The following WNT16 variants were observed in gnomAD, a reference collection of about 807,000 sequenced individuals.
The protein encoded by WNT16 is protein Wnt-16.
Under a neutral mutation model 35.4 loss-of-function variants are expected in WNT16, and 20 were observed. That is an observed-to-expected ratio of 0.56 (90% CI 0.40 to 0.82). The LOEUF is 0.82. WNT16 is among the 40% of genes least tolerant of loss of function. The pLI is 0.00. For synonymous variants in WNT16, 180 were observed against 179.2 expected, an observed-to-expected ratio of 1.00 and a Z score of -0.03; for missense variants, 461 against 466.0, an observed-to-expected ratio of 0.99 and a Z score of 0.10.
In WNT16 at chr7:121,339,170, G is replaced by C. The variant is rs1401710601; in HGVS notation, c.923G>C (p.Arg308Thr). Residue 308 changes from arginine (R) to threonine (T), a missense_variant, in exon 4 of 4, where the codon AGA becomes ACA. By Grantham distance (71) the Arg-to-Thr change is moderately conservative. Coordinates refer to ENST00000222462, the MANE Select transcript of WNT16 (RefSeq NM_057168.2). ...CTGGGAATCCCAGGGACACAAGGCA[G>C]AGAATGCAACCGTACATCAGAGGGT... ...KKLGIPGTQG[R>T]ECNRTSEGAD... The C allele has an allele frequency of 1.9e-6, 3 of 1,614,112 alleles. No individual in the cohort carries two copies. The highest frequency in any genetic ancestry group is 2.5e-6 in the Non-Finnish European group (3 of 1,180,050).
chr7:121,331,752 G>C lies in WNT16; in HGVS notation c.421G>C (p.Ala141Pro). 1.2e-6 allele frequency: 2 copies of C among 1,614,220 alleles called. No homozygotes were observed. Among genetic ancestry groups the C allele is most frequent in the Non-Finnish European group, 1.7e-6 (2 of 1,180,036 alleles). ...GCATTCTGTGACCAGGTCATGCAGT[G>C]CAGGCAACATGACAGAGTGTTCCTG... ...LVHSVTRSCS[A>P]GNMTECSCDT... Residue 141 changes from alanine to proline, a missense_variant, in exon 3 of 4, where the codon GCA (alanine) becomes CCA (proline). Ala to Pro is a conservative substitution (Grantham distance 27). Coordinates refer to ENST00000222462, the MANE Select transcript of WNT16 (RefSeq NM_057168.2).
At chr7:121,333,911 T>C (rs1358342972) in intron 3 of WNT16, among the ~76,000 whole-genome samples, 2 of 151,998 alleles carry the variant, frequency 1.3e-5, no homozygotes, top group Non-Finnish European at 1.5e-5. Context: ...TTCTAAAATA[T>C]ATTTTTATTA....
At chr7:121,335,986 T>TTGTGTGTGTGTG (rs36224614) in intron 3 of WNT16, among the ~76,000 whole-genome samples, 3 of 140,206 alleles carry the variant, frequency 2.1e-5, no homozygotes, top group Non-Finnish European at 4.7e-5. Flanking sequence ...GAATTAAACT[T>TTGTGTGTGTGTG]TGTGTGTGTG....
chr7:121,330,584 A>G (rs1364198129), intron 2 of WNT16, among the ~76,000 whole-genome samples: 1 of 151,704 alleles, frequency 6.6e-6, no homozygotes, highest in Non-Finnish European at 1.5e-5. Flanking sequence ...TTTCATGTTC[A>G]TTTCCGTTCC....
intron 2 of WNT16, among the ~76,000 whole-genome samples, chr7:121,330,699 T>A (rs73440215): frequency 0.049 from 5,918 of 121,100 alleles, 266 homozygotes; most frequent in South Asian, 0.16. Context: ...GAAGGAGCCC[T>A]GGTCCCCGTA....
rs1012918160 is a variant in WNT16 at position 121,339,149 on chromosome 7, G to A, written c.902G>A (p.Gly301Glu). The A allele has an allele frequency of 2.5e-6, 4 of 1,614,080 alleles. No homozygotes were observed. The highest frequency in any genetic ancestry group is 1.6e-4 in the Middle Eastern group (1 of 6,084). The change falls in exon 4 of 4, where the codon GGA (glycine) becomes GAA (glutamate). Residue 301 changes from glycine (G) to glutamate (E), a missense_variant. Transcript: ENST00000222462. ...TACTGTGTAGAAGATAAGAAACTGG[G>A]AATCCCAGGGACACAAGGCAGAGAA... ...PNYCVEDKKLGIPGTQGRECN... is the reference protein window; with the variant it reads ...PNYCVEDKKLEIPGTQGRECN...
chr7:121,329,476 G>A, intron 1 of WNT16, 89 bp downstream of exon 1: 1 of 1,591,930 alleles, frequency 6.3e-7, no homozygotes, highest in Non-Finnish European at 8.6e-7. Flanking sequence ...TGGGGGAGAA[G>A]GGCGGGGACC....
chr7:121,328,556 T>G (rs1308076460), upstream of WNT16, among the ~76,000 whole-genome samples: 1 of 152,142 alleles, frequency 6.6e-6, no homozygotes, highest in Non-Finnish European at 1.5e-5. Flanking sequence ...GAAGGTTAAT[T>G]TGTTCGGTAC....
At chr7:121,338,550 C>G (rs891204450) in intron 3 of WNT16, among the ~76,000 whole-genome samples, 2 of 152,158 alleles carry the variant, frequency 1.3e-5, no homozygotes, top group African/African-American at 4.8e-5. Context: ...CTACCACATT[C>G]AAAATTAGAC....
chr7:121,335,170 C>T (rs775050420), intron 3 of WNT16, among the ~76,000 whole-genome samples: 5 of 152,028 alleles, frequency 3.3e-5, no homozygotes, highest in African/African-American at 9.7e-5. Flanking sequence ...AGTCACAAAA[C>T]GTTCCACAAC....
chr7:121,336,028 G>GTA (rs1793441527), intron 3 of WNT16, among the ~76,000 whole-genome samples: 1 of 141,092 alleles, frequency 7.1e-6, no homozygotes, highest in Non-Finnish European at 1.5e-5. Flanking sequence ...GTGTGTGTGT[G>GTA]TGTATCTGTC....
chr7:121,334,531 A>G (rs569486802), intron 3 of WNT16, among the ~76,000 whole-genome samples: 2 of 152,268 alleles, frequency 1.3e-5, no homozygotes, highest in African/African-American at 4.8e-5. Context: ...ATTCTTCTGA[A>G]TAAAATCCAG....
At chr7:121,330,947 C>G (rs2116833729) in intron 2 of WNT16, among the ~76,000 whole-genome samples, 1 of 151,964 alleles carries the variant, frequency 6.6e-6, no homozygotes. Flanking sequence ...AGCTCAAACT[C>G]TACTGCAGGT....
At position 121,339,426 on chromosome 7, in the gene WNT16, C is replaced by T. The variant is rs145703812; in HGVS notation, c.*81C>T. On this transcript the variant is annotated 3_prime_UTR_variant, in exon 4 of 4. Transcript: ENST00000222462. ...CAGAGAGGTGCCCATCCCTGTGCAG[C>T]GCTAGTAAAGTTGACTCTTGCAGTG... is the stretch of plus-strand genomic sequence containing the variant. The T allele has an allele frequency of 1.3e-4, 173 of 1,330,312 alleles. No homozygotes were observed. In the East Asian group the frequency reaches 2.3e-3, roughly 18 times the overall value. 82.4% of individuals were successfully genotyped at this position (1,330,312 alleles called of 1,614,324 possible).
rs375756496 is a variant in WNT16 at position 121,331,678 on chromosome 7, G to A, written c.347G>A (p.Gly116Asp). The change falls in exon 3 of 4, where the codon GGC becomes GAC. Residue 116 changes from glycine (G) to aspartate (D), a missense_variant and splice_region_variant. Gly to Asp is a moderately conservative substitution (Grantham distance 94, BLOSUM62 -1). Transcript: ENST00000222462. ...ATTTAGCAATTTATATTTTTTCTAG[G>A]CACCAAAGAGACAGCATTTATTTAT... Reference protein sequence around the residue: ...SPLFGYELSSGTKETAFIYAV... With the variant: ...SPLFGYELSSDTKETAFIYAV... 2 of 1,600,458 alleles carry A rather than the reference G, an allele frequency of 1.2e-6. No individual in the cohort carries two copies. The highest frequency in any genetic ancestry group is 1.1e-5 in the South Asian group (1 of 90,558).
Position 121,329,610 on chromosome 7 carries a change from T to A in WNT16, c.139T>A (p.Cys47Ser). ...CTTCGGGGTTCCAGAGAAGCTGGGC[T>A]GCGCCAATTTGCCGCTGAACAGCCG... The part of the protein sequence containing the change: ...ASFGVPEKLG[C>S]ANLPLNSRQK... Residue 47 changes from cysteine (C) to serine (S), a missense_variant, in exon 2 of 4, where the codon TGC (cysteine) becomes AGC (serine). By Grantham distance (112) the Cys-to-Ser change is moderately radical (BLOSUM62 -1). Transcript: ENST00000222462. The A allele has an allele frequency of 6.2e-7, 1 of 1,614,236 alleles. No homozygotes were observed. Among genetic ancestry groups the A allele is most frequent in the Non-Finnish European group, 8.5e-7 (1 of 1,180,040 alleles).
rs545472355 is a variant in WNT16, at chr7:121,339,510, A to G, written c.*165A>G. 6 of 610,786 alleles carry G rather than the reference A, an allele frequency of 9.8e-6. No individual in the cohort carries two copies. The South Asian group carries it at 1.4e-4, about 14-fold the overall frequency. The allele number at this position is 610,786 out of a possible 1,614,324, so 37.8% of individuals were successfully genotyped here. Reference sequence around the variant, plus strand: ...TTACCTGATCGACATATTTTCCTTTATCTGATCAACCCATCAATCATGTGG... The same window carrying G: ...TTACCTGATCGACATATTTTCCTTTGTCTGATCAACCCATCAATCATGTGG... On this transcript the variant is annotated 3_prime_UTR_variant, in exon 4 of 4. Transcript: ENST00000222462.
chr7:121,336,201 C>T (rs545455391), intron 3 of WNT16, among the ~76,000 whole-genome samples: 18 of 151,674 alleles, frequency 1.2e-4, no homozygotes, highest in African/African-American at 3.9e-4. Context: ...ATCTTTCTGT[C>T]CTAGAATACA....
chr7:121,327,082 C>A (rs180678293), upstream of WNT16, among the ~76,000 whole-genome samples: 1 of 152,230 alleles, frequency 6.6e-6, no homozygotes, highest in Non-Finnish European at 1.5e-5. Flanking sequence ...CTTGGAGAAG[C>A]TCACAGAATA....
Sources: allele counts gnomAD v4.1 joint callset (sites outside exome capture counted in the v4.1 genomes callset), GRCh38; gene constraint gnomAD v4.1.1; transcripts MANE v1.5; gene names NCBI Gene and HGNC (gene_info 2026-07-23, HGNC 2026-07-21).